The following SPAST variants were observed in gnomAD, a reference collection of about 807,000 sequenced individuals.
SPAST encodes spastic paraplegia 4 (autosomal dominant; spastin).
Under a neutral mutation model 76.6 loss-of-function variants are expected in SPAST, and 30 were observed. The observed-to-expected ratio is 0.39, with a 90% CI of 0.29 to 0.53. The LOEUF is 0.53. SPAST is among the 20% of genes least tolerant of loss of function. SPAST has a pLI of 0.68. For missense variants in SPAST, 717 were observed against 770.5 expected, an observed-to-expected ratio of 0.93 and a Z score of 0.82; for synonymous variants, 305 against 281.0, an observed-to-expected ratio of 1.09 and a Z score of -0.86.
intron 16 of SPAST, among the ~76,000 whole-genome samples, chr2:32,152,041 A>G (rs1025544993): frequency 3.9e-5 from 6 of 152,176 alleles, no homozygotes; most frequent in African/African-American, 1.2e-4. Context: ...TTGGGGTACA[A>G]TATACTTTGT....
rs188705944 is a variant in SPAST at position 32,068,746 on chromosome 2, T to C, written c.415+4500T>C. ...TTCCTTTAAAAATGAAGTAAAACTT[T>C]AGCCGGATGTGGTGGCGGGTGTGTG... On this transcript the variant is annotated intron_variant, in intron 1 of 16. Coordinates refer to ENST00000315285, the MANE Select transcript of SPAST (RefSeq NM_014946.4). Among the ~76,000 whole-genome samples, 307 of 152,200 alleles carry C rather than the reference T, an allele frequency of 2.0e-3. 1 individual carries two copies. The highest frequency in any genetic ancestry group is 1.2e-3 in the South Asian group (6 of 4,814).
At chr2:32,099,507 G>C (rs947501065) in intron 4 of SPAST, among the ~76,000 whole-genome samples, 11 of 152,030 alleles carry the variant, frequency 7.2e-5, no homozygotes, top group African/African-American at 2.4e-4. Flanking sequence ...TCTGACATCT[G>C]AGCTAGCTTT....
At chr2:32,139,838 AAAAAAAAAAAAAG>A (rs1679659067) in intron 12 of SPAST, among the ~76,000 whole-genome samples, 1 of 142,434 alleles carries the variant, frequency 7.0e-6, no homozygotes, top group Non-Finnish European at 1.5e-5. Flanking sequence ...TTCCAAAATT[AAAAAAAAAAAAAG>A]AAAAAAAAAA....
chr2:32,120,194 T>A (rs1281463799), intron 7 of SPAST, among the ~76,000 whole-genome samples: 1 of 152,132 alleles, frequency 6.6e-6, no homozygotes, highest in East Asian at 1.9e-4. Context: ...CCTTTCTTCT[T>A]TCAAAAATGT....
intron 4 of SPAST, among the ~76,000 whole-genome samples, chr2:32,109,911 T>C: frequency 6.7e-6 from 1 of 148,704 alleles, no homozygotes; most frequent in Non-Finnish European, 1.5e-5. Context: ...CATACACATA[T>C]ATAGTTACAT....
chr2:32,074,562 G>A (rs1425162377), intron 1 of SPAST, among the ~76,000 whole-genome samples: 2 of 151,578 alleles, frequency 1.3e-5, no homozygotes, highest in Non-Finnish European at 2.9e-5. Flanking sequence ...CTGGAGTTCA[G>A]TGGGGGCAAT....
intron 1 of SPAST, among the ~76,000 whole-genome samples, chr2:32,076,391 T>G (rs563423838): frequency 1.3e-5 from 2 of 151,968 alleles, no homozygotes; most frequent in East Asian, 3.9e-4. Context: ...TTTTATTAAA[T>G]TTTTTTTTCT....
At chr2:32,087,451 A>C (rs1558622505) in intron 1 of SPAST, 41 bp from the exon 2 acceptor site, 2 of 1,225,402 alleles carry the variant, frequency 1.6e-6, no homozygotes, top group Non-Finnish European at 2.4e-6. Context: ...TATTTAGTGT[A>C]CTCTTCATAC....
chr2:32,118,474 C>T (rs1027172519), intron 7 of SPAST, among the ~76,000 whole-genome samples: 1 of 152,118 alleles, frequency 6.6e-6, no homozygotes, highest in Non-Finnish European at 1.5e-5. Context: ...TGTACCACCT[C>T]AGGTCACACT....
At chr2:32,089,242 G>A (rs1180068664) in intron 2 of SPAST, among the ~76,000 whole-genome samples, 1 of 122,602 alleles carries the variant, frequency 8.2e-6, no homozygotes, top group East Asian at 2.8e-4. Flanking sequence ...ATCTCTTTAT[G>A]TTGCCCAGGC....
In SPAST at chr2:32,128,255, A is replaced by C. The variant is rs2294178; in HGVS notation, c.1174-153A>C. The C allele has an allele frequency of 0.3, 184,432 of 619,576 alleles. 29,668 individuals are homozygous for C. Among genetic ancestry groups the C allele is most frequent in the East Asian group, 0.51 (17,139 of 33,612 alleles). 38.4% of individuals were successfully genotyped at this position (619,576 alleles called of 1,614,324 possible). A position where few individuals can be genotyped will look rare whatever the true frequency, so the allele number is the denominator to read the frequency against. On this transcript the variant is annotated intron_variant, in intron 8 of 16. Coordinates refer to ENST00000315285, the MANE Select transcript of SPAST (RefSeq NM_014946.4). ...AGTGATGCGCCTGCCTCGGCCTCCG[A>C]AAGTGCTGGGATTACAGGCATGAGC...
Position 32,155,588 on chromosome 2 carries a change from T to A in SPAST, c.*1092T>A, listed in dbSNP as rs1381454132. ...ATTTTTCTAGTTCCTTCTGCTTGCT[T>A]TATTAACTCAAAAGTTCTAGTTCTA... On this transcript the variant is annotated 3_prime_UTR_variant, in exon 17 of 17. Transcript: ENST00000315285. 1 of 152,396 alleles carries A rather than the reference T, an allele frequency of 6.6e-6. No individual in the cohort carries two copies. The allele number at this position is 152,396 out of a possible 1,614,324, so 9.4% of individuals were successfully genotyped here.
chr2:32,138,328 C>A (rs1265432024), intron 12 of SPAST, among the ~76,000 whole-genome samples: 1 of 152,090 alleles, frequency 6.6e-6, no homozygotes, highest in Non-Finnish European at 1.5e-5. Context: ...TACTTTTTCC[C>A]GCCAATCTGT....
intron 9 of SPAST, 129 bp downstream of exon 9, chr2:32,128,608 TATG>T (rs1232991686): frequency 1.9e-5 from 13 of 694,098 alleles, no homozygotes; most frequent in South Asian, 9.4e-5. Context: ...ATTATTTACA[TATG>T]ATGAATATCT....
chr2:32,106,876 G>A (rs1678342758), intron 4 of SPAST, among the ~76,000 whole-genome samples: 1 of 149,578 alleles, frequency 6.7e-6, no homozygotes, highest in Non-Finnish European at 1.5e-5. Flanking sequence ...GACATTTTCA[G>A]AAGGCACTTA....
chr2:32,109,320 G>C (rs1269844124), intron 4 of SPAST, among the ~76,000 whole-genome samples: 3 of 151,678 alleles, frequency 2.0e-5, no homozygotes, highest in Non-Finnish European at 2.9e-5. Flanking sequence ...TGTTGGCCAG[G>C]CTGGTCTCGA....
chr2:32,067,981 CTT>C (rs755475755), intron 1 of SPAST, among the ~76,000 whole-genome samples: 27 of 140,420 alleles, frequency 1.9e-4, no homozygotes, highest in Non-Finnish European at 1.7e-4. Flanking sequence ...TTTCTCTTTT[CTT>C]TTTTTTTTTT....
intron 16 of SPAST, among the ~76,000 whole-genome samples, chr2:32,150,013 G>A (rs992246226): frequency 9.3e-5 from 14 of 150,654 alleles, no homozygotes; most frequent in East Asian, 3.9e-4. Flanking sequence ...TTCGCCTGTC[G>A]GATGAGGCAC....
chr2:32,146,443 C>A (rs764514552), intron 15 of SPAST, among the ~76,000 whole-genome samples: 3 of 152,070 alleles, frequency 2.0e-5, no homozygotes, highest in Non-Finnish European at 2.9e-5. Context: ...AGCCTGTAAT[C>A]CCAGCTACTC....
Sources: allele counts gnomAD v4.1 joint callset (sites outside exome capture counted in the v4.1 genomes callset), GRCh38; gene constraint gnomAD v4.1.1; transcripts MANE v1.5; gene names NCBI Gene and HGNC (gene_info 2026-07-23, HGNC 2026-07-21).